MOBP: variants seen among roughly 807,000 people sequenced by gnomAD.
MOBP encodes the protein myelin associated oligodendrocyte basic protein.
Under a neutral mutation model 15.0 loss-of-function variants are expected in MOBP, and 5 were observed. That is an observed-to-expected ratio of 0.33 (90% CI 0.17 to 0.70). The LOEUF (loss-of-function observed/expected upper bound fraction) is 0.70, where lower values mean the gene tolerates loss of function less well. MOBP is among the 30% of genes least tolerant of loss of function. The probability of loss-of-function intolerance (pLI) is 0.67; values close to 1 mark genes in which losing one functional copy is unlikely to be tolerated. For missense variants in MOBP, 188 were observed against 257.8 expected (o/e 0.73, Z 1.85); for synonymous variants, 88 against 99.0 (o/e 0.89, Z 0.66).
chr3:39,509,210 T>A (rs2043088011), intron 4 of MOBP, among the ~76,000 whole-genome samples: 1 of 152,200 alleles, frequency 6.6e-6, no homozygotes, highest in African/African-American at 2.4e-5. Context: ...GAACATTATG[T>A]GAACATAAGT....
At chr3:39,482,835 C>T (rs527842757) in intron 2 of MOBP, among the ~76,000 whole-genome samples, 2 of 152,160 alleles carry the variant, frequency 1.3e-5, no homozygotes, top group African/African-American at 2.4e-5. Context: ...TACATTGTTA[C>T]AGCCGCACTG....
At chr3:39,513,504 A>G in exon 5 of MOBP, 1 of 1,385,632 alleles carries the variant, frequency 7.2e-7, no homozygotes, top group Non-Finnish European at 1.0e-6. Context: ...GGATGAAGTT[A>G]TCTGGCTTCA....
At chr3:39,468,740 GTGTATA>G (rs61055256) in intron 1 of MOBP, among the ~76,000 whole-genome samples, 2,222 of 83,320 alleles carry the variant, frequency 0.027, 76 homozygotes, top group African/African-American at 0.15. Flanking sequence ...ACATATGTGT[GTGTATA>G]TATACATATA....
At chr3:39,487,046 T>G (rs2042720687) in intron 2 of MOBP, among the ~76,000 whole-genome samples, 1 of 151,304 alleles carries the variant, frequency 6.6e-6, no homozygotes, top group Non-Finnish European at 1.5e-5. Flanking sequence ...GCTCAAGAGA[T>G]CCTTTCATCT....
chr3:39,470,940 T>G (rs2042460208), intron 1 of MOBP, among the ~76,000 whole-genome samples: 2 of 152,130 alleles, frequency 1.3e-5, no homozygotes, highest in African/African-American at 4.8e-5. Context: ...CTCACCAGGC[T>G]CAATCTTCAA....
chr3:39,468,883 G>A lies in MOBP; in HGVS notation c.-89+1143G>A, dbSNP rs1404821018. The stretch of plus-strand genomic sequence containing the variant: ...TGTGTATATATACATATATACATAT[G>A]TGTGTGTATATATACATATATACAT... On this transcript the variant is annotated intron_variant, in intron 1 of 3. Coordinates refer to ENST00000684792, the MANE Select transcript of MOBP (RefSeq NM_001393704.1). Among the ~76,000 whole-genome samples the A allele has an allele frequency of 4.6e-5, 5 of 109,792 alleles. 1 individual carries two copies. The highest frequency in any genetic ancestry group is 8.4e-5 in the Non-Finnish European group (5 of 59,864). 72.0% of individuals were successfully genotyped at this position (109,792 alleles called of 152,430 possible). A position where few individuals can be genotyped will look rare whatever the true frequency, so the allele number is the denominator to read the frequency against.
At chr3:39,476,459 A>G (rs1188098493) in intron 1 of MOBP, among the ~76,000 whole-genome samples, 6 of 152,208 alleles carry the variant, frequency 3.9e-5, no homozygotes, top group Non-Finnish European at 8.8e-5. Flanking sequence ...TCTGACTCCA[A>G]TCTAGCAGCA....
chr3:39,503,554 T>TC (rs1491350732), downstream of MOBP, among the ~76,000 whole-genome samples: 3 of 2,142 alleles, frequency 1.4e-3, no homozygotes, highest in Non-Finnish European at 0.016. Flanking sequence ...CTGTAGGCTA[T>TC]TTTTTTTTTT....
At chr3:39,481,740 A>G (rs546566312) in intron 2 of MOBP, among the ~76,000 whole-genome samples, 17 of 152,350 alleles carry the variant, frequency 1.1e-4, no homozygotes, top group Middle Eastern at 6.8e-3. Flanking sequence ...CTGTTTCAAC[A>G]ACTCCATGGA....
intron 2 of MOBP, among the ~76,000 whole-genome samples, chr3:39,483,102 G>A (rs998666447): frequency 6.6e-6 from 1 of 152,178 alleles, no homozygotes; most frequent in African/African-American, 2.4e-5. Context: ...CTTGTTTAAT[G>A]TGTGTCCTCC....
At position 39,497,054 on chromosome 3, in the gene MOBP, C is replaced by T. The variant is rs763943069; in HGVS notation, c.-4-5012C>T. Among the ~76,000 whole-genome samples the T allele has an allele frequency of 2.8e-4, 43 of 152,142 alleles. No individual in the cohort carries two copies. In the Middle Eastern group the frequency reaches 0.014, roughly 48 times the overall value. ...CTGACCTCAAGTAATCTGTCTGCCT[C>T]GGCCTCCCAAAGAGCTGGGATTACA... On this transcript the variant is annotated intron_variant, in intron 2 of 3. Coordinates refer to ENST00000684792, the MANE Select transcript of MOBP (RefSeq NM_001393704.1).
chr3:39,502,650 C>T lies in MOBP; in HGVS notation c.322C>T (p.Arg108Trp), dbSNP rs2042990406. ...CCCTCCGAGGTCTGAGCGTCAGCCACGGTCCCCTCCGAGGTCTGAGCGTCA... is the reference window on the plus strand; with the variant it reads ...CCCTCCGAGGTCTGAGCGTCAGCCATGGTCCCCTCCGAGGTCTGAGCGTCA... ...RSPPRSERQP[R>W]SPPRSERQPR... Residue 108 changes from arginine (R) to tryptophan (W), a missense_variant, in exon 4 of 4, where the codon CGG becomes TGG. By Grantham distance (101) the Arg-to-Trp change is moderately radical. Around this residue, in one of 2 missense-constraint regions of MOBP, gnomAD observed 133 missense variants for 212.5 expected, o/e 0.63. Transcript: ENST00000684792. The surrounding 1 kb of genome is among the most constrained non-coding windows in gnomAD (Gnocchi z 6.3). The T allele has an allele frequency of 1.3e-6, 2 of 1,535,934 alleles. No homozygotes were observed. The highest frequency in any genetic ancestry group is 1.7e-6 in the Non-Finnish European group (2 of 1,146,930).
chr3:39,488,620 A>G (rs1408344955), intron 2 of MOBP, among the ~76,000 whole-genome samples: 1 of 152,194 alleles, frequency 6.6e-6, no homozygotes, highest in Non-Finnish European at 1.5e-5. Context: ...TGCTCAATTA[A>G]TATTTGTTGA....
exon 4 of MOBP, chr3:39,524,276 C>A (rs2043302473): frequency 6.6e-6 from 1 of 152,176 alleles, no homozygotes; most frequent in South Asian, 2.1e-4. Context: ...GTCTTCTGAC[C>A]TCTATAATTG....
intron 2 of MOBP, among the ~76,000 whole-genome samples, chr3:39,481,104 T>A (rs610006): frequency 6.6e-6 from 1 of 152,056 alleles, no homozygotes; most frequent in Non-Finnish European, 1.5e-5. Flanking sequence ...AATTGTCTGG[T>A]GAATTCCACC....
In MOBP at chr3:39,469,054, G is replaced by GTATA. The variant is rs201108457; in HGVS notation, c.-89+1317_-89+1320dup. ...TATATACATATATACATATGTGTGT[G>GTATA]TATATACATATATACATATGTGTGT... On this transcript the variant is annotated intron_variant, in intron 1 of 3. Transcript: ENST00000684792. 1.4e-4 allele frequency among the ~76,000 whole-genome samples: 6 copies of GTATA among 43,004 alleles called. 1 individual carries two copies. The East Asian group carries it at 2.1e-3, about 15-fold the overall frequency. 28.2% of individuals were successfully genotyped at this position (43,004 alleles called of 152,430 possible).
intron 2 of MOBP, among the ~76,000 whole-genome samples, chr3:39,486,306 TGAAGCCCTTG>T (rs1158134814): frequency 6.6e-6 from 1 of 152,208 alleles, no homozygotes; most frequent in African/African-American, 2.4e-5. Context: ...GTTAAATACG[TGAAGCCCTTG>T]AACAGTGCCT....
intron 2 of MOBP, among the ~76,000 whole-genome samples, chr3:39,495,289 C>G (rs1208014180): frequency 1.4e-5 from 2 of 146,952 alleles, no homozygotes; most frequent in African/African-American, 5.3e-5. Context: ...GGAAATTTTA[C>G]AATAGATTTT....
At chr3:39,512,867 G>A (rs1027180599) in intron 4 of MOBP, among the ~76,000 whole-genome samples, 13 of 152,178 alleles carry the variant, frequency 8.5e-5, no homozygotes, top group Admixed American at 8.5e-4. Flanking sequence ...TGCAGGCAAT[G>A]CTTGTCTGGG....
Sources: gnomAD v4.1 joint callset for allele counts (sites outside exome capture counted in the v4.1 genomes callset) on GRCh38, gnomAD v4.1.1 for gene constraint, gnomAD v4.1.1 regional missense constraint, Gnocchi (gnomAD v3.1) non-coding constraint, MANE v1.5 for transcripts, NCBI Gene and HGNC (gene_info 2026-07-23, HGNC 2026-07-21) for gene names.